The following KAZN variants were observed in gnomAD, a reference collection of about 807,000 sequenced individuals.
KAZN encodes kazrin.
Under a neutral mutation model 87.4 loss-of-function variants are expected in KAZN, and 40 were observed. The ratio of observed to expected loss-of-function variants is 0.46; its 90% CI spans 0.36 to 0.60. The LOEUF (loss-of-function observed/expected upper bound fraction) is 0.60. Ranked by LOEUF, KAZN falls within the 20% of genes least tolerant of loss-of-function variation. The pLI is 0.00. For missense variants in KAZN, 898 were observed against 1,073.9 expected (o/e 0.84, Z 2.29); for synonymous variants, 466 against 458.3 (o/e 1.02, Z -0.22).
chr1:14,904,036 C>T (rs932277528), intron 1 of KAZN, among the ~76,000 whole-genome samples: 3 of 152,154 alleles, frequency 2.0e-5, no homozygotes, highest in Admixed American at 6.5e-5. Context: ...GACCAGGGGA[C>T]GTTCACTGGT....
At chr1:15,010,422 G>A (rs1234046389) in intron 2 of KAZN, among the ~76,000 whole-genome samples, 6 of 124,934 alleles carry the variant, frequency 4.8e-5, no homozygotes, top group African/African-American at 9.2e-5. Context: ...ACGGAGTCTC[G>A]CTCTGCTGCT....
At chr1:14,928,535 G>T (rs1169872082) in intron 1 of KAZN, among the ~76,000 whole-genome samples, 5 of 151,470 alleles carry the variant, frequency 3.3e-5, no homozygotes, top group Admixed American at 2.0e-4. Context: ...AAAAAAGTTT[G>T]TCCTCTCCTT....
intron 14 of KAZN, chr1:15,112,881 G>A: frequency 4.5e-6 from 1 of 220,504 alleles, no homozygotes; most frequent in Non-Finnish European, 9.2e-6. Flanking sequence ...GGGGCGAGGG[G>A]GATCCTGCAT....
intron 2 of KAZN, among the ~76,000 whole-genome samples, chr1:14,217,200 C>T (rs971994070): frequency 5.9e-5 from 9 of 152,206 alleles, no homozygotes; most frequent in Non-Finnish European, 1.2e-4. Context: ...GACTTTCCAG[C>T]CTTCAGAACT....
chr1:14,514,012 A>G (rs1671062494), intron 2 of KAZN, among the ~76,000 whole-genome samples: 1 of 151,726 alleles, frequency 6.6e-6, no homozygotes, highest in African/African-American at 2.4e-5. Context: ...CATAAGCACC[A>G]GCTGAGCCGA....
intron 1 of KAZN, among the ~76,000 whole-genome samples, chr1:14,635,325 G>T (rs867536999): frequency 2.2e-4 from 33 of 152,298 alleles, no homozygotes; most frequent in African/African-American, 7.5e-4. Flanking sequence ...AGGGGCTTAT[G>T]AACATCCCTG....
chr1:14,960,186 G>T (rs950240408), intron 1 of KAZN, among the ~76,000 whole-genome samples: 1 of 152,210 alleles, frequency 6.6e-6, no homozygotes, highest in African/African-American at 2.4e-5. Context: ...TGTGGAGTCA[G>T]CCAGGCCTTG....
At chr1:14,227,879 A>G (rs1161610919) in intron 2 of KAZN, among the ~76,000 whole-genome samples, 1 of 152,156 alleles carries the variant, frequency 6.6e-6, no homozygotes, top group Non-Finnish European at 1.5e-5. Context: ...AGCTTAGACT[A>G]TATACACACC....
chr1:14,747,283 T>C (rs1237943677), intron 1 of KAZN, among the ~76,000 whole-genome samples: 4 of 152,262 alleles, frequency 2.6e-5, no homozygotes, highest in African/African-American at 9.6e-5. Flanking sequence ...TTTATTTATT[T>C]ATTTATTTTT....
intron 1 of KAZN, among the ~76,000 whole-genome samples, chr1:14,771,230 G>A (rs1474988143): frequency 1.3e-5 from 2 of 152,120 alleles, no homozygotes; most frequent in African/African-American, 4.8e-5. Context: ...CCGAACTCCT[G>A]TAAAAGCATG....
chr1:14,233,195 G>A (rs1041827492), intron 2 of KAZN, among the ~76,000 whole-genome samples: 4 of 151,930 alleles, frequency 2.6e-5, no homozygotes, highest in African/African-American at 9.7e-5. Flanking sequence ...GCAGTGGCAC[G>A]ATCACACCTC....
At chr1:14,324,082 C>A (rs1656234800) in intron 2 of KAZN, among the ~76,000 whole-genome samples, 1 of 152,202 alleles carries the variant, frequency 6.6e-6, no homozygotes, top group Admixed American at 6.5e-5. Flanking sequence ...ATTCTGTTTT[C>A]CAACCTGTTC....
chr1:14,883,347 A>AGAGGGAGGGAGGGAGGG (rs1557586240), intron 1 of KAZN, among the ~76,000 whole-genome samples: 2 of 33,134 alleles, frequency 6.0e-5, no homozygotes, highest in Non-Finnish European at 1.3e-4. Context: ...AGAGAGAAAG[A>AGAGGGAGGGAGGGAGGG]AAGAAAGAAA....
chr1:14,464,030 G>A (rs1010386107), intron 2 of KAZN, among the ~76,000 whole-genome samples: 1 of 152,196 alleles, frequency 6.6e-6, no homozygotes, highest in Non-Finnish European at 1.5e-5. Flanking sequence ...ATCTGTCTGG[G>A]AATTCTGTCT....
At chr1:14,049,194 T>C (rs1642203503) in intron 1 of KAZN, among the ~76,000 whole-genome samples, 1 of 152,040 alleles carries the variant, frequency 6.6e-6, no homozygotes, top group Non-Finnish European at 1.5e-5. Context: ...AAACCATCAT[T>C]CTCAGCAAAC....
chr1:14,061,029 T>C (rs1557442291), intron 1 of KAZN, among the ~76,000 whole-genome samples: 1 of 152,218 alleles, frequency 6.6e-6, no homozygotes, highest in Non-Finnish European at 1.5e-5. Flanking sequence ...TCTCAAACTT[T>C]GTGTAAACTT....
intron 2 of KAZN, among the ~76,000 whole-genome samples, chr1:14,269,090 TTCTC>T (rs374327402): frequency 1.3e-5 from 2 of 151,384 alleles, no homozygotes; most frequent in Admixed American, 6.6e-5. Flanking sequence ...TTTGGCTGGG[TTCTC>T]TCTCTCTCTC....
chr1:14,944,458 A>G (rs1052723890), intron 1 of KAZN, among the ~76,000 whole-genome samples: 1 of 152,062 alleles, frequency 6.6e-6, no homozygotes, highest in African/African-American at 2.4e-5. Context: ...GCCCCTGGAG[A>G]TGGGATGGAC....
intron 2 of KAZN, among the ~76,000 whole-genome samples, chr1:14,305,035 C>A (rs929160846): frequency 4.0e-5 from 6 of 151,610 alleles, no homozygotes; most frequent in African/African-American, 1.5e-4. Flanking sequence ...TACAACTTGT[C>A]TCCTCTGCTT....
Sources: gnomAD v4.1 joint callset for allele counts (sites outside exome capture counted in the v4.1 genomes callset) on GRCh38, gnomAD v4.1.1 for gene constraint, MANE v1.5 for transcripts, NCBI Gene and HGNC (gene_info 2026-07-23, HGNC 2026-07-21) for gene names.